The following PDE1C variants were observed in gnomAD, a reference collection of about 807,000 sequenced individuals.
PDE1C encodes phosphodiesterase 1C.
PDE1C carries 62 observed loss-of-function variants against 93.1 expected under a neutral mutation model. That is an observed-to-expected ratio of 0.67 (90% CI 0.54 to 0.82). The LOEUF is 0.82. Ranked by LOEUF, PDE1C falls within the 40% of genes least tolerant of loss-of-function variation. The pLI is 0.00. For synonymous variants in PDE1C, 325 were observed against 310.1 expected (o/e 1.05, Z -0.50); for missense variants, 742 against 884.6 (o/e 0.84, Z 2.04).
At chr7:31,957,463 C>T (rs977766652) in intron 2 of PDE1C, among the ~76,000 whole-genome samples, 5 of 152,162 alleles carry the variant, frequency 3.3e-5, no homozygotes, top group African/African-American at 1.2e-4. Context: ...CAAACCTCCT[C>T]ACCCTCACTG....
chr7:32,353,656 T>A lies in PDE1C; in HGVS notation c.310+74166A>T, dbSNP rs1351012943. Among the ~76,000 whole-genome samples, 4 of 151,998 alleles carry A rather than the reference T, an allele frequency of 2.6e-5. 1 individual carries two copies. Among genetic ancestry groups the A allele is most frequent in the African/African-American group, 4.8e-5 (2 of 41,388 alleles). On this transcript the variant is annotated intron_variant, in intron 1 of 1. Coordinates refer to the PDE1C transcript ENST00000672256. The stretch of plus-strand genomic sequence containing the variant: ...TTAAATCTTTTTAGTCTACAGGTAT[T>A]GCCTCCATTCTTTTTTATTTTCCTT...
intron 2 of PDE1C, among the ~76,000 whole-genome samples, chr7:32,047,352 G>T (rs891208205): frequency 2.6e-5 from 4 of 152,112 alleles, no homozygotes; most frequent in Non-Finnish European, 4.4e-5. Context: ...CTCTTGGAAT[G>T]ATTGACCCTC....
At chr7:32,212,604 A>G (rs1296726722) in intron 1 of PDE1C, among the ~76,000 whole-genome samples, 1 of 152,098 alleles carries the variant, frequency 6.6e-6, no homozygotes, top group Admixed American at 6.6e-5. Context: ...CATGCGCTAG[A>G]TGGACAATCC....
chr7:31,723,930 G>A, the PDE1C span, among the ~76,000 whole-genome samples: 3 of 147,066 alleles, frequency 2.0e-5, no homozygotes, highest in African/African-American at 5.2e-5. Context: ...ATTTCTTACT[G>A]CCTTTGCATC....
At chr7:32,064,299 G>C (rs1455217894) in intron 1 of PDE1C, among the ~76,000 whole-genome samples, 1 of 152,086 alleles carries the variant, frequency 6.6e-6, no homozygotes, top group African/African-American at 2.4e-5. Flanking sequence ...CTATACCCAA[G>C]TTTATCATTC....
intron 3 of PDE1C, among the ~76,000 whole-genome samples, chr7:32,101,199 A>G (rs1460670747): frequency 6.6e-6 from 1 of 152,214 alleles, no homozygotes; most frequent in Non-Finnish European, 1.5e-5. Flanking sequence ...ATCAACCAGC[A>G]AAGTTCTTCT....
chr7:31,805,963 G>T (rs1443174029), intron 16 of PDE1C, among the ~76,000 whole-genome samples: 2 of 151,862 alleles, frequency 1.3e-5, no homozygotes, highest in Admixed American at 6.6e-5. Flanking sequence ...TGCTGTCTGG[G>T]GTTTTGGGTT....
At chr7:32,032,302 C>T (rs7456115) in intron 2 of PDE1C, among the ~76,000 whole-genome samples, 22,872 of 152,064 alleles carry the variant, frequency 0.15, 2,496 homozygotes, top group East Asian at 0.33. Flanking sequence ...AACCTACTTG[C>T]CCTTGCCTGA....
At chr7:31,625,829 A>T in the PDE1C span, among the ~76,000 whole-genome samples, 98 of 147,998 alleles carry the variant, frequency 6.6e-4, 1 homozygote, top group South Asian at 9.3e-3. Context: ...CTTTTTTTTT[A>T]AATTTTTTCT....
chr7:32,258,981 G>A (rs13224417), intron 1 of PDE1C, among the ~76,000 whole-genome samples: 42,926 of 152,052 alleles, frequency 0.28, 6,431 homozygotes, highest in East Asian at 0.45. Context: ...GTGCGCCCAG[G>A]ACTGAGGAGG....
chr7:32,076,015 G>A (rs184693679), upstream of PDE1C, among the ~76,000 whole-genome samples: 2 of 152,264 alleles, frequency 1.3e-5, no homozygotes, highest in African/African-American at 4.8e-5. Context: ...CATCAACAGA[G>A]GCATGGTTAG....
At position 32,417,598 on chromosome 7, in the gene PDE1C, G is replaced by C. The variant is rs145102801; in HGVS notation, c.310+10224C>G. Among the ~76,000 whole-genome samples, 5 of 149,388 alleles carry C rather than the reference G, an allele frequency of 3.3e-5. No individual in the cohort carries two copies. In the East Asian group the frequency reaches 9.8e-4, roughly 29 times the overall value. On this transcript the variant is annotated intron_variant, in intron 1 of 1. Coordinates refer to the PDE1C transcript ENST00000672256. ...ATCTCTCTCACTGCAGAGCCTGCCC[G>C]TGTAACTATAAGCAATATTAACTCC... is the stretch of plus-strand genomic sequence containing the variant.
the PDE1C span, among the ~76,000 whole-genome samples, chr7:31,637,740 A>G: frequency 3.3e-5 from 5 of 152,100 alleles, no homozygotes; most frequent in African/African-American, 1.2e-4. Flanking sequence ...CTTTAGTTTG[A>G]TTAGATCCCA....
intron 2 of PDE1C, among the ~76,000 whole-genome samples, chr7:32,015,524 G>A (rs1787776118): frequency 3.3e-5 from 5 of 151,940 alleles, no homozygotes; most frequent in Admixed American, 1.3e-4. Flanking sequence ...ATTTCTGCCT[G>A]CCCCCCACCC....
chr7:32,060,568 C>A (rs1479336966), intron 1 of PDE1C, among the ~76,000 whole-genome samples: 1 of 152,200 alleles, frequency 6.6e-6, no homozygotes, highest in Non-Finnish European at 1.5e-5. Context: ...CGCCAACTAG[C>A]AGATGCATTT....
intron 5 of PDE1C, among the ~76,000 whole-genome samples, chr7:31,875,707 C>G (rs930128308): frequency 2.0e-5 from 3 of 147,600 alleles, no homozygotes; most frequent in Non-Finnish European, 4.5e-5. Context: ...AACAGATGCC[C>G]TTCTAAAGAA....
At position 31,815,963 on chromosome 7, in the gene PDE1C, A is replaced by C. The variant is rs2230175; in HGVS notation, c.1774T>G (p.Ser592Ala). 5.2e-3 allele frequency: 8,397 copies of C among 1,613,802 alleles called. 41 individuals are homozygous for C. Among genetic ancestry groups the C allele is most frequent in the Non-Finnish European group, 6.1e-3 (7,214 of 1,179,838 alleles). ...TCTCCTGATGACTTCTCGGCTTTGG[A>C]GTTTTTCCCACGAGGGTTGTCACTT... The part of the protein sequence containing the change: ...NKSDNPRGKN[S>A]KAEKSSGEQQ... The change falls in exon 15 of 18, where the codon TCC becomes GCC. Residue 592 changes from serine to alanine, a missense_variant. Coordinates refer to ENST00000396191, the MANE Select transcript of PDE1C (RefSeq NM_001191057.4).
At chr7:32,381,561 C>A (rs1784534973) in intron 1 of PDE1C, among the ~76,000 whole-genome samples, 1 of 152,186 alleles carries the variant, frequency 6.6e-6, no homozygotes. Flanking sequence ...AAAGCCCAAG[C>A]ATACTTCTAC....
At position 32,341,173 on chromosome 7, in the gene PDE1C, C is replaced by CTATTTTTTTTTTTT. The variant is rs796122014; in HGVS notation, c.310+86648_310+86649insAAAAAAAAAAAATA. Reference sequence around the variant, plus strand: ...CCTAAAACTACTCTAGAAATAAAGTCTTTTTTTTTTTTTTTTTTTTGAGAC... The same window carrying CTATTTTTTTTTTTT: ...CCTAAAACTACTCTAGAAATAAAGTCTATTTTTTTTTTTTTTTTTTTTTTTTTTTTTTTTGAGAC... On this transcript the variant is annotated intron_variant, in intron 1 of 1. Transcript: ENST00000672256. 3.1e-3 allele frequency among the ~76,000 whole-genome samples: 267 copies of CTATTTTTTTTTTTT among 84,928 alleles called. 26 individuals carry two copies. Among genetic ancestry groups the CTATTTTTTTTTTTT allele is most frequent in the African/African-American group, 9.7e-3 (224 of 22,992 alleles). The allele number at this position is 84,928 out of a possible 152,430, so 55.7% of individuals were successfully genotyped here.
Sources: allele counts gnomAD v4.1 joint callset (sites outside exome capture counted in the v4.1 genomes callset), GRCh38; gene constraint gnomAD v4.1.1; transcripts MANE v1.5; gene names NCBI Gene and HGNC (gene_info 2026-07-23, HGNC 2026-07-21).